MTOR: variants seen among roughly 807,000 people sequenced by gnomAD.
The protein encoded by MTOR is serine/threonine-protein kinase mTOR.
A neutral mutation model predicts 319.8 loss-of-function variants in MTOR; 70 were observed. The ratio of observed to expected loss-of-function variants is 0.22; its 90% CI spans 0.18 to 0.27. The LOEUF (loss-of-function observed/expected upper bound fraction) is 0.27, where lower values mean the gene tolerates loss of function less well. Ranked by LOEUF, MTOR falls within the 10% of genes least tolerant of loss-of-function variation. MTOR has a pLI of 1.00. For synonymous variants in MTOR, 1,183 were observed against 1,211.4 expected, an observed-to-expected ratio of 0.98 and a Z score of 0.49; for missense variants, 1,890 against 3,274.4, an observed-to-expected ratio of 0.58 and a Z score of 10.32.
chr1:11,158,867 G>A (rs1048667113), intron 29 of MTOR, among the ~76,000 whole-genome samples: 1 of 152,102 alleles, frequency 6.6e-6, no homozygotes. Context: ...TAAGGTTTAA[G>A]CAATGAATCA....
rs1022610362 is a variant in MTOR, at chr1:11,129,538, C to T, written c.5714+200G>A. ...GAGAGTTCTCACTCCACTTCTCCTCCTCACTCTCTGTAGGTTTCACCCACA... is the reference window on the plus strand; with the variant it reads ...GAGAGTTCTCACTCCACTTCTCCTCTTCACTCTCTGTAGGTTTCACCCACA... On this transcript the variant is annotated intron_variant, in intron 40 of 57. Coordinates refer to ENST00000361445, the MANE Select transcript of MTOR (RefSeq NM_004958.4). This position sits in a 1 kb window ranked among gnomAD's most constrained non-coding sequence, Gnocchi z 4.7. Among the ~76,000 whole-genome samples, 2 of 152,246 alleles carry T rather than the reference C, an allele frequency of 1.3e-5. No homozygotes were observed. Among genetic ancestry groups the T allele is most frequent in the Non-Finnish European group, 2.9e-5 (2 of 68,034 alleles).
intron 5 of MTOR, among the ~76,000 whole-genome samples, chr1:11,255,262 A>G (rs948162416): frequency 1.3e-5 from 2 of 151,794 alleles, no homozygotes; most frequent in African/African-American, 4.8e-5. Context: ...ACATGCCTGT[A>G]GTCCCAGCTA....
chr1:11,134,353 G>T lies in MTOR; in HGVS notation c.5244C>A (p.Ala1748=), dbSNP rs144768080. The change falls in exon 37 of 58, where the codon GCC becomes GCA. Residue 1748 remains alanine (A), a splice_region_variant and synonymous_variant. Transcript: ENST00000361445. ...QHKQELHKLM[A]RCFLKLGEWQ... is the part of the protein sequence containing the mutation. ...CCCCAGGTCAGTGGGGACCTCACCG[G>T]GCCATGAGCTTGTGCAGTTCCTGCT... 5.0e-5 allele frequency: 80 copies of T among 1,613,810 alleles called. No homozygotes were observed. The African/African-American group carries it at 9.5e-4, about 19-fold the overall frequency.
Position 11,109,963 on chromosome 1 carries a change from G to A in MTOR, c.7367-234C>T, listed in dbSNP as rs904764689. On this transcript the variant is annotated intron_variant, in intron 54 of 57. Coordinates refer to ENST00000361445, the MANE Select transcript of MTOR (RefSeq NM_004958.4). This position sits in a 1 kb window ranked among gnomAD's most constrained non-coding sequence, Gnocchi z 4.0. The stretch of plus-strand genomic sequence containing the variant: ...AGGTGGAAGGATCACTTGAGTAGCT[G>A]AGTTCAAGACCAGCCTGAGACTCCA... Among the ~76,000 whole-genome samples, 3 of 146,028 alleles carry A rather than the reference G, an allele frequency of 2.1e-5. No homozygotes were observed. The highest frequency in any genetic ancestry group is 4.5e-5 in the Non-Finnish European group (3 of 67,244).
At chr1:11,124,748 G>C (rs1238088434) in intron 46 of MTOR, 115 bp from the exon 47 acceptor site, 14 of 1,167,646 alleles carry the variant, frequency 1.2e-5, no homozygotes, top group Admixed American at 5.7e-5. Context: ...CTAATCACAC[G>C]TTCCTCACAA....
chr1:11,261,309 C>CA (rs1161523469), intron 1 of MTOR, among the ~76,000 whole-genome samples: 3,962 of 121,416 alleles, frequency 0.033, 151 homozygotes, highest in African/African-American at 0.092. Flanking sequence ...ACTAAAAATA[C>CA]AAAAAAAAAA....
chr1:11,242,981 T>C (rs1648282174), intron 9 of MTOR, 133 bp downstream of exon 9: 3 of 842,748 alleles, frequency 3.6e-6, no homozygotes, highest in Non-Finnish European at 3.7e-6. Context: ...GAAGGGCTGT[T>C]CTTCATATGA....
chr1:11,228,805 A>C lies in MTOR; in HGVS notation c.2893T>G (p.Ser965Ala). The change falls in exon 19 of 58, where the codon TCT (serine) becomes GCT (alanine). Residue 965 changes from serine to alanine, a missense_variant. This residue lies in a region of MTOR where 377 missense variants were observed against 653.9 expected (regional missense o/e 0.58). Coordinates refer to ENST00000361445, the MANE Select transcript of MTOR (RefSeq NM_004958.4). ...TGGACAACCATGGTGTGATGATGAG[A>C]GAGTGACTGGTCTCGGAAGATCCGC... ...LMRIFRDQSL[S>A]HHHTMVVQAI... 6.2e-7 allele frequency: 1 copy of C among 1,614,184 alleles called. No homozygotes were observed. Among genetic ancestry groups the C allele is most frequent in the Admixed American group, 1.7e-5 (1 of 60,020 alleles).
In MTOR at chr1:11,109,835, C is replaced by T; in HGVS notation, c.7367-106G>A. 1.1e-6 allele frequency: 1 copy of T among 945,050 alleles called. No individual in the cohort carries two copies. The highest frequency in any genetic ancestry group is 1.7e-6 in the Non-Finnish European group (1 of 588,996). The allele number at this position is 945,050 out of a possible 1,614,324, so 58.5% of individuals were successfully genotyped here. ...CTCTATTCCTTTAACGCCTGCCCTA[C>T]CTACCCTAAAGGGGAAAAGAGAAGG... is the stretch of plus-strand genomic sequence containing the variant. On this transcript the variant is annotated intron_variant, in intron 54 of 57. Coordinates refer to ENST00000361445, the MANE Select transcript of MTOR (RefSeq NM_004958.4). The surrounding 1 kb of genome is among the most constrained non-coding windows in gnomAD (Gnocchi z 4.0).
chr1:11,237,716 A>C, intron 13 of MTOR, 127 bp downstream of exon 13: 1 of 970,168 alleles, frequency 1.0e-6, no homozygotes, highest in South Asian at 1.5e-5. Context: ...TTGCAGACAA[A>C]TGCGGCTTTT....
intron 29 of MTOR, among the ~76,000 whole-genome samples, chr1:11,165,310 G>T (rs1242654738): frequency 6.6e-6 from 1 of 152,162 alleles, no homozygotes; most frequent in Non-Finnish European, 1.5e-5. Context: ...AATTGTCCCT[G>T]TTTGCAGGTG....
rs1454800968 is a variant in MTOR at position 11,191,192 on chromosome 1, C to T, written c.4253+8066G>A. On this transcript the variant is annotated intron_variant, in intron 28 of 57. Transcript: ENST00000361445. ...TTGGGGTCAAGTGCAGCTCTCCCAC[C>T]AGGTCTCTTGCTCTTCTTGCCCAGG... Among the ~76,000 whole-genome samples the T allele has an allele frequency of 3.3e-5, 5 of 152,286 alleles. No individual in the cohort carries two copies. In the East Asian group the frequency reaches 9.6e-4, roughly 29 times the overall value.
At chr1:11,136,701 C>A (rs541759180) in intron 36 of MTOR, among the ~76,000 whole-genome samples, 1 of 151,894 alleles carries the variant, frequency 6.6e-6, no homozygotes, top group East Asian at 1.9e-4. Flanking sequence ...TGAGGTCTTG[C>A]TATGTTGCCC....
intron 19 of MTOR, among the ~76,000 whole-genome samples, chr1:11,220,056 G>GAAAAAA (rs1218262061): frequency 3.2e-5 from 3 of 94,890 alleles, no homozygotes; most frequent in African/African-American, 5.6e-5. Flanking sequence ...GAAAAGAAAA[G>GAAAAAA]AAAAGAAAGA....
At position 11,146,699 on chromosome 1, in the gene MTOR, C is replaced by G; in HGVS notation, c.4663G>C (p.Asp1555His). 4 of 1,614,054 alleles carry G rather than the reference C, an allele frequency of 2.5e-6. No homozygotes were observed. Among genetic ancestry groups the G allele is most frequent in the Non-Finnish European group, 3.4e-6 (4 of 1,179,996 alleles). Reference sequence around the variant, plus strand: ...ACCTGTTGTGCCAAGGAGAAGAGGTCCTGATGCAGTGCCAGCACAGCTCTA... The same window carrying G: ...ACCTGTTGTGCCAAGGAGAAGAGGTGCTGATGCAGTGCCAGCACAGCTCTA... The part of the protein sequence containing the change: ...FYRAVLALHQ[D>H]LFSLAQQCID... The change falls in exon 32 of 58, where the codon GAC becomes CAC. Residue 1555 changes from aspartate to histidine, a missense_variant. Physicochemically the swap from Asp to His is moderately conservative, Grantham distance 81. Transcript: ENST00000361445.
intron 28 of MTOR, among the ~76,000 whole-genome samples, chr1:11,181,100 A>G (rs1376946399): frequency 6.6e-6 from 1 of 152,152 alleles, no homozygotes; most frequent in Non-Finnish European, 1.5e-5. Context: ...TTATGGGGAC[A>G]TGTTACTTTC....
At chr1:11,241,483 T>G in intron 10 of MTOR, 70 bp downstream of exon 10, 1 of 1,525,498 alleles carries the variant, frequency 6.6e-7, no homozygotes, top group South Asian at 1.3e-5. Context: ...GCCTCATTCT[T>G]TTAACAGTCC....
intron 47 of MTOR, among the ~76,000 whole-genome samples, chr1:11,122,613 T>C (rs1334146490): frequency 2.0e-5 from 3 of 151,550 alleles, no homozygotes; most frequent in Non-Finnish European, 4.4e-5. Flanking sequence ...GTTCACGCGA[T>C]TCTCCTGCGT....
chr1:11,168,212 T>G (rs954468430), intron 28 of MTOR, among the ~76,000 whole-genome samples: 1 of 119,506 alleles, frequency 8.4e-6, no homozygotes, highest in Admixed American at 8.2e-5. Flanking sequence ...TCCTCTGAAC[T>G]TTTTTTTTTT....
Sources: allele counts gnomAD v4.1 joint callset (sites outside exome capture counted in the v4.1 genomes callset), GRCh38; gene constraint gnomAD v4.1.1; regional missense constraint gnomAD v4.1.1; non-coding constraint Gnocchi (gnomAD v3.1); transcripts MANE v1.5; gene names NCBI Gene and HGNC (gene_info 2026-07-23, HGNC 2026-07-21).